The following ESRRG variants were observed in gnomAD, a reference collection of about 807,000 sequenced individuals.
ESRRG encodes the protein estrogen-related receptor gamma.
A neutral mutation model predicts 44.0 loss-of-function variants in ESRRG; 13 were observed. The observed-to-expected ratio is 0.30, with a 90% confidence interval of 0.19 to 0.47. The LOEUF (loss-of-function observed/expected upper bound fraction) is 0.47, where lower values mean the gene tolerates loss of function less well. Ranked by LOEUF, ESRRG falls within the 20% of genes least tolerant of loss-of-function variation. The pLI, the probability that ESRRG is intolerant of heterozygous loss-of-function variation, is 1.00. For missense variants in ESRRG, 395 were observed against 580.6 expected (o/e 0.68, Z 3.29); for synonymous variants, 215 against 214.6 (o/e 1.00, Z -0.02).
At chr1:217,026,036 C>A (rs1360073555) in intron 1 of ESRRG, among the ~76,000 whole-genome samples, 1 of 152,162 alleles carries the variant, frequency 6.6e-6, no homozygotes, top group Non-Finnish European at 1.5e-5. Context: ...AGAGGACCAC[C>A]TTTGCCCCAC....
chr1:217,087,831 C>A (rs879756466), intron 1 of ESRRG, among the ~76,000 whole-genome samples: 1 of 152,150 alleles, frequency 6.6e-6, no homozygotes, highest in Non-Finnish European at 1.5e-5. Context: ...ATCATCCAGG[C>A]CTGCTTCCTT....
intron 2 of ESRRG, among the ~76,000 whole-genome samples, chr1:216,921,967 G>C (rs996451273): frequency 3.9e-5 from 6 of 152,164 alleles, no homozygotes; most frequent in African/African-American, 1.4e-4. Context: ...TAGTTCTGGA[G>C]GGTGAAGGTT....
intron 1 of ESRRG, among the ~76,000 whole-genome samples, chr1:216,695,498 TAA>T (rs1165988240): frequency 2.0e-5 from 3 of 152,178 alleles, no homozygotes; most frequent in Non-Finnish European, 4.4e-5. Context: ...TATCTCAAAA[TAA>T]AAAGTTTTTT....
chr1:216,730,779 T>C (rs777901250), intron 2 of ESRRG, among the ~76,000 whole-genome samples: 21 of 151,772 alleles, frequency 1.4e-4, no homozygotes, highest in Non-Finnish European at 2.6e-4. Context: ...AATAGGTAAA[T>C]GGTGAGGCGG....
chr1:217,084,382 A>G (rs1042032450), intron 1 of ESRRG, among the ~76,000 whole-genome samples: 4 of 152,324 alleles, frequency 2.6e-5, no homozygotes, highest in Admixed American at 1.3e-4. Context: ...CTTACAACCT[A>G]TAAGTGTGCT....
intron 2 of ESRRG, among the ~76,000 whole-genome samples, chr1:216,779,177 T>A (rs1368749462): frequency 0.023 from 894 of 38,716 alleles, 26 homozygotes; most frequent in Non-Finnish European, 0.046. Flanking sequence ...ATATATATAA[T>A]TATATAAATA....
chr1:216,613,633 T>G (rs112844703), intron 3 of ESRRG, among the ~76,000 whole-genome samples: 1 of 152,332 alleles, frequency 6.6e-6, no homozygotes, highest in Non-Finnish European at 1.5e-5. Flanking sequence ...TGTGCCTCTC[T>G]ACGTATACCA....
intron 2 of ESRRG, among the ~76,000 whole-genome samples, chr1:216,772,592 AT>A (rs1358890024): frequency 6.6e-6 from 1 of 152,162 alleles, no homozygotes; most frequent in Non-Finnish European, 1.5e-5. Context: ...TCATTCCTCA[AT>A]ACATGAGAAC....
chr1:216,755,558 T>C (rs188421090), intron 2 of ESRRG, among the ~76,000 whole-genome samples: 4 of 152,160 alleles, frequency 2.6e-5, no homozygotes, highest in Admixed American at 2.6e-4. Flanking sequence ...AAATTCCTTT[T>C]TACTCCTATT....
intron 1 of ESRRG, among the ~76,000 whole-genome samples, chr1:216,705,860 T>G (rs2082343499): frequency 6.6e-6 from 1 of 152,174 alleles, no homozygotes; most frequent in Non-Finnish European, 1.5e-5. Context: ...ATGCAGCAGG[T>G]GGGGCAGATG....
chr1:216,962,659 A>G (rs1184407038), intron 1 of ESRRG, among the ~76,000 whole-genome samples: 1 of 152,202 alleles, frequency 6.6e-6, no homozygotes, highest in Non-Finnish European at 1.5e-5. Context: ...GCTAAAAAAC[A>G]AAGCCAGCAC....
At chr1:216,920,434 G>T (rs1193868938) in intron 2 of ESRRG, among the ~76,000 whole-genome samples, 1 of 151,328 alleles carries the variant, frequency 6.6e-6, no homozygotes, top group Non-Finnish European at 1.5e-5. Flanking sequence ...ATATTTTTCT[G>T]TAGGGACAAT....
At chr1:216,930,731 TC>T (rs1382127729) in intron 2 of ESRRG, among the ~76,000 whole-genome samples, 2 of 152,198 alleles carry the variant, frequency 1.3e-5, no homozygotes, top group African/African-American at 4.8e-5. Context: ...CCAGATTTCT[TC>T]TAGCTCAAGG....
At chr1:216,610,297 G>A (rs1304264525) in intron 3 of ESRRG, among the ~76,000 whole-genome samples, 4 of 151,196 alleles carry the variant, frequency 2.6e-5, no homozygotes, top group Non-Finnish European at 5.9e-5. Flanking sequence ...GCAGGATAAC[G>A]CTGAGCTGAG....
At chr1:217,086,834 C>T (rs1398628588) in intron 1 of ESRRG, among the ~76,000 whole-genome samples, 3 of 152,174 alleles carry the variant, frequency 2.0e-5, no homozygotes, top group Non-Finnish European at 4.4e-5. Context: ...TAATTGAAAC[C>T]AATTTCATAG....
chr1:216,804,780 C>G (rs1328093612), intron 2 of ESRRG, among the ~76,000 whole-genome samples: 2 of 152,060 alleles, frequency 1.3e-5, no homozygotes, highest in East Asian at 1.9e-4. Context: ...ACACATACCC[C>G]CCTTCCCCAA....
chr1:216,641,984 G>A (rs1016298501), intron 3 of ESRRG, among the ~76,000 whole-genome samples: 10 of 152,136 alleles, frequency 6.6e-5, no homozygotes, highest in Non-Finnish European at 1.3e-4. Flanking sequence ...TTCAAAAAAT[G>A]GGGGATGGGT....
intron 3 of ESRRG, among the ~76,000 whole-genome samples, chr1:216,593,509 T>C (rs1325700253): frequency 1.3e-5 from 2 of 152,190 alleles, no homozygotes; most frequent in Non-Finnish European, 2.9e-5. Context: ...GTTTAGAAGA[T>C]TAGATTCTGA....
chr1:216,678,602 C>T (rs930422307), intron 1 of ESRRG, among the ~76,000 whole-genome samples: 1 of 152,108 alleles, frequency 6.6e-6, no homozygotes, highest in East Asian at 1.9e-4. Flanking sequence ...TCACAAGTGA[C>T]CGAATTTCTG....
Sources: allele counts gnomAD v4.1 joint callset (sites outside exome capture counted in the v4.1 genomes callset), GRCh38; gene constraint gnomAD v4.1.1; transcripts MANE v1.5; gene names NCBI Gene and HGNC (gene_info 2026-07-23, HGNC 2026-07-21).